GDI2: variants seen among roughly 807,000 people sequenced by gnomAD.
GDI2 encodes the protein GDP dissociation inhibitor 2, also known as rab GDP dissociation inhibitor beta.
Under a neutral mutation model 54.2 loss-of-function variants are expected in GDI2, and 22 were observed. That is an observed-to-expected ratio of 0.41 (90% confidence interval 0.29 to 0.58). The LOEUF is 0.58. GDI2 is among the 20% of genes least tolerant of loss of function. The pLI is 0.35. For synonymous variants in GDI2, 177 were observed against 182.1 expected, an observed-to-expected ratio of 0.97 and a Z score of 0.23; for missense variants, 422 against 546.0, an observed-to-expected ratio of 0.77 and a Z score of 2.26.
intron 6 of GDI2, among the ~76,000 whole-genome samples, chr10:5,784,706 T>C (rs902115032): frequency 2.7e-4 from 41 of 152,260 alleles, no homozygotes; most frequent in African/African-American, 9.6e-4. Flanking sequence ...CTTCTTGATC[T>C]AGCCGCCCAG....
At chr10:5,809,835 C>T (rs1164262066) in intron 1 of GDI2, among the ~76,000 whole-genome samples, 1 of 152,206 alleles carries the variant, frequency 6.6e-6, no homozygotes, top group Non-Finnish European at 1.5e-5. Context: ...TCTTTAAAAA[C>T]CAATGTCACA....
At chr10:5,786,289 G>A (rs1285821970) in intron 4 of GDI2, among the ~76,000 whole-genome samples, 1 of 148,338 alleles carries the variant, frequency 6.7e-6, no homozygotes, top group Non-Finnish European at 1.5e-5. Context: ...TCCTGTCTCA[G>A]CCTCCCGAGT....
intron 6 of GDI2, among the ~76,000 whole-genome samples, chr10:5,775,262 C>T (rs775373143): frequency 9.9e-5 from 15 of 152,022 alleles, no homozygotes; most frequent in Non-Finnish European, 1.9e-4. Flanking sequence ...CACTCCAGCC[C>T]GGGTAACAAA....
chr10:5,779,949 C>G (rs1021781237), intron 6 of GDI2, among the ~76,000 whole-genome samples: 1 of 152,066 alleles, frequency 6.6e-6, no homozygotes, highest in Non-Finnish European at 1.5e-5. Context: ...CCACCTCACC[C>G]TCCCAAAGTG....
intron 2 of GDI2, among the ~76,000 whole-genome samples, chr10:5,800,182 G>C (rs1036012735): frequency 6.6e-6 from 1 of 152,092 alleles, no homozygotes; most frequent in Non-Finnish European, 1.5e-5. Context: ...AAACAAGGCA[G>C]TATAGCAAAA....
In GDI2 at chr10:5,796,966, C is replaced by T. The variant is rs904301243; in HGVS notation, c.154-104G>A. The T allele has an allele frequency of 9.5e-5, 57 of 599,884 alleles. No individual in the cohort carries two copies. The Middle Eastern group carries it at 1.8e-3, about 19-fold the overall frequency. 37.2% of individuals were successfully genotyped at this position (599,884 alleles called of 1,614,324 possible). On this transcript the variant is annotated intron_variant, in intron 2 of 10. Coordinates refer to ENST00000380191, the MANE Select transcript of GDI2 (RefSeq NM_001494.4). ...GTGCTTTTAGTATAACTAAACACCA[C>T]CATGCTAGTAAAGTATAAGGGCATT...
chr10:5,765,894 T>C lies in GDI2; in HGVS notation c.*112A>G. On this transcript the variant is annotated 3_prime_UTR_variant, in exon 11 of 11. Coordinates refer to ENST00000380191, the MANE Select transcript of GDI2 (RefSeq NM_001494.4). ...GGGAGTATTTACTGGCACAGCGCTC[T>C]TCATTCTCTCCATTTTCATTACAAA... The C allele has an allele frequency of 1.3e-6, 1 of 790,954 alleles. No individual in the cohort carries two copies. Among genetic ancestry groups the C allele is most frequent in the Non-Finnish European group, 2.0e-6 (1 of 495,128 alleles). The allele number at this position is 790,954 out of a possible 1,614,324, so 49.0% of individuals were successfully genotyped here.
Position 5,765,927 on chromosome 10 carries a change from C to T in GDI2, c.*79G>A, listed in dbSNP as rs1163553367. ...CTCCATTTTCATTACAAAAGCAGGC[C>T]TTACAATATTGATTTCATTATATGC... On this transcript the variant is annotated 3_prime_UTR_variant, in exon 11 of 11. Transcript: ENST00000380191. 2.0e-5 allele frequency: 20 copies of T among 1,018,974 alleles called. No individual in the cohort carries two copies. The highest frequency in any genetic ancestry group is 2.9e-5 in the Non-Finnish European group (20 of 692,428). The allele number at this position is 1,018,974 out of a possible 1,614,324, so 63.1% of individuals were successfully genotyped here. A position where few individuals can be genotyped will look rare whatever the true frequency, so the allele number is the denominator to read the frequency against.
At chr10:5,789,167 G>T (rs950727804) in intron 4 of GDI2, among the ~76,000 whole-genome samples, 1 of 151,434 alleles carries the variant, frequency 6.6e-6, no homozygotes, top group Non-Finnish European at 1.5e-5. Context: ...GTGCAGTGGC[G>T]CAACCACAGC....
intron 4 of GDI2, among the ~76,000 whole-genome samples, chr10:5,787,685 G>GTT (rs1030853071): frequency 2.6e-5 from 4 of 152,252 alleles, no homozygotes; most frequent in African/African-American, 7.2e-5. Flanking sequence ...AAGTGTAGTT[G>GTT]TAAGAGCTGG....
chr10:5,807,022 T>G (rs1445187710), intron 1 of GDI2, among the ~76,000 whole-genome samples: 2 of 152,174 alleles, frequency 1.3e-5, no homozygotes, highest in Non-Finnish European at 2.9e-5. Flanking sequence ...AGCAACTACC[T>G]TCAAAGGCAC....
chr10:5,787,377 G>A (rs1004348874), intron 4 of GDI2, among the ~76,000 whole-genome samples: 1 of 152,122 alleles, frequency 6.6e-6, no homozygotes, highest in Non-Finnish European at 1.5e-5. Context: ...GGTGGCGCAC[G>A]CCTGTAATCC....
intron 7 of GDI2, among the ~76,000 whole-genome samples, chr10:5,772,384 A>G (rs532150231): frequency 1.8e-4 from 28 of 152,358 alleles, no homozygotes; most frequent in African/African-American, 6.7e-4. Context: ...CAGATAAGCC[A>G]ATCACACTAC....
chr10:5,776,172 A>T lies in GDI2; in HGVS notation c.720-2231T>A, dbSNP rs1689471688. On this transcript the variant is annotated intron_variant, in intron 6 of 10. Transcript: ENST00000380191. This position sits in a 1 kb window ranked among gnomAD's most constrained non-coding sequence, Gnocchi z 5.3. Reference sequence around the variant, plus strand: ...ACAAAAAGGCTGCGGCATATCCTTCAGAAGCCGTGAAGCTGACAGTCTGAG... The same window carrying T: ...ACAAAAAGGCTGCGGCATATCCTTCTGAAGCCGTGAAGCTGACAGTCTGAG... 6.2e-6 allele frequency: 2 copies of T among 321,926 alleles called. No homozygotes were observed. Among genetic ancestry groups the T allele is most frequent in the South Asian group, 4.1e-5 (1 of 24,674 alleles). 19.9% of individuals were successfully genotyped at this position (321,926 alleles called of 1,614,324 possible). A position where few individuals can be genotyped will look rare whatever the true frequency, so the allele number is the denominator to read the frequency against.
intron 6 of GDI2, among the ~76,000 whole-genome samples, chr10:5,775,912 G>T (rs1403815463): frequency 6.6e-6 from 1 of 152,168 alleles, no homozygotes; most frequent in Non-Finnish European, 1.5e-5. Flanking sequence ...TGGTGAGGTT[G>T]TTGCTCCCTC....
chr10:5,778,859 G>A (rs1248210671), intron 6 of GDI2, among the ~76,000 whole-genome samples: 2 of 150,664 alleles, frequency 1.3e-5, no homozygotes, highest in East Asian at 2.0e-4. Flanking sequence ...AATGCAAGAT[G>A]AACAGTCAAT....
At chr10:5,783,940 T>C (rs1840814842) in intron 6 of GDI2, among the ~76,000 whole-genome samples, 1 of 152,222 alleles carries the variant, frequency 6.6e-6, no homozygotes, top group African/African-American at 2.4e-5. Flanking sequence ...TTGTGATGAA[T>C]TTCCCAGGTG....
At chr10:5,771,984 G>T in intron 7 of GDI2, among the ~76,000 whole-genome samples, 1 of 152,096 alleles carries the variant, frequency 6.6e-6, no homozygotes, top group Non-Finnish European at 1.5e-5. Flanking sequence ...CAGCTACTTG[G>T]GAGGCTGAGG....
intron 1 of GDI2, among the ~76,000 whole-genome samples, chr10:5,809,430 T>A (rs1432058631): frequency 2.6e-5 from 4 of 152,164 alleles, no homozygotes; most frequent in Non-Finnish European, 5.9e-5. Flanking sequence ...CCTACATACA[T>A]CCTTGACTTA....
Sources: gnomAD v4.1 joint callset for allele counts (sites outside exome capture counted in the v4.1 genomes callset) on GRCh38, gnomAD v4.1.1 for gene constraint, Gnocchi (gnomAD v3.1) non-coding constraint, MANE v1.5 for transcripts, NCBI Gene and HGNC (gene_info 2026-07-23, HGNC 2026-07-21) for gene names.